The following SENP7 variants were observed in gnomAD, a reference collection of about 807,000 sequenced individuals.
SENP7 encodes the protein sentrin-specific protease 7.
In SENP7, 64 loss-of-function variants were observed where a neutral mutation model predicts 141.2. That is an observed-to-expected ratio of 0.45 (90% CI 0.37 to 0.56). The LOEUF (loss-of-function observed/expected upper bound fraction) is 0.56, where lower values mean the gene tolerates loss of function less well. Among genes scored for constraint, SENP7 ranks in the 20% least tolerant of loss-of-function variants. The probability of loss-of-function intolerance (pLI) is 0.00; values close to 1 mark genes in which losing one functional copy is unlikely to be tolerated. For synonymous variants in SENP7, 382 were observed against 426.4 expected, an observed-to-expected ratio of 0.90 and a Z score of 1.28; for missense variants, 1,025 against 1,212.2, an observed-to-expected ratio of 0.85 and a Z score of 2.29.
chr3:101,449,336 G>C (rs1194927779), intron 4 of SENP7, among the ~76,000 whole-genome samples: 1 of 152,122 alleles, frequency 6.6e-6, no homozygotes, highest in Non-Finnish European at 1.5e-5. Flanking sequence ...ATCTAGCAAG[G>C]CAGGCCAACA....
chr3:101,432,597 G>C (rs566607156), intron 4 of SENP7, among the ~76,000 whole-genome samples: 1 of 152,330 alleles, frequency 6.6e-6, no homozygotes, highest in Admixed American at 6.5e-5. Context: ...AATAGAGACT[G>C]TATGTTTGGT....
intron 3 of SENP7, among the ~76,000 whole-genome samples, chr3:101,464,172 ACT>A (rs1013769175): frequency 6.6e-6 from 1 of 152,160 alleles, no homozygotes; most frequent in African/African-American, 2.4e-5. Context: ...GAGAGGATGA[ACT>A]CTCTGAAAGA....
intron 6 of SENP7, among the ~76,000 whole-genome samples, chr3:101,385,929 A>T (rs1268100447): frequency 6.6e-6 from 1 of 152,352 alleles, no homozygotes; most frequent in African/African-American, 2.4e-5. Context: ...CTCCAAAATA[A>T]AATGAGCAAA....
At chr3:101,331,481 A>T (rs2059050801) in intron 19 of SENP7, among the ~76,000 whole-genome samples, 1 of 151,392 alleles carries the variant, frequency 6.6e-6, no homozygotes, top group African/African-American at 2.4e-5. Context: ...AAAAAAAAAA[A>T]AAAAGTATGT....
intron 16 of SENP7, among the ~76,000 whole-genome samples, chr3:101,338,865 T>C (rs554435007): frequency 3.3e-5 from 5 of 152,254 alleles, no homozygotes; most frequent in Middle Eastern, 3.4e-3. Context: ...ATCTAACAAA[T>C]CTTAAAGGCA....
At chr3:101,373,239 G>C (rs142330961) in intron 6 of SENP7, among the ~76,000 whole-genome samples, 4 of 152,090 alleles carry the variant, frequency 2.6e-5, no homozygotes, top group Non-Finnish European at 4.4e-5. Context: ...AATCAAAATC[G>C]TAAGGGTGAG....
intron 4 of SENP7, among the ~76,000 whole-genome samples, chr3:101,423,184 T>C (rs1008491942): frequency 6.6e-6 from 1 of 152,012 alleles, no homozygotes; most frequent in East Asian, 1.9e-4. Flanking sequence ...ACATTCAATA[T>C]CATTAATCTT....
intron 4 of SENP7, among the ~76,000 whole-genome samples, chr3:101,456,577 CCAAA>C (rs1299345777): frequency 1.3e-5 from 2 of 151,790 alleles, no homozygotes; most frequent in African/African-American, 2.4e-5. Context: ...ATAAGGAAGG[CCAAA>C]CAATTATCTT....
Position 101,341,693 on chromosome 3 carries a change from A to G in SENP7, c.2193T>C (p.Asn731=), listed in dbSNP as rs1361924330. 6 of 1,611,160 alleles carry G rather than the reference A, an allele frequency of 3.7e-6. No individual in the cohort carries two copies. Among genetic ancestry groups the G allele is most frequent in the African/African-American group, 1.3e-5 (1 of 74,888 alleles). The stretch of plus-strand genomic sequence containing the variant: ...TGACTTCTCGCCATTCTTCATCTGG[A>G]TTAGATGTAATAGAAAGGGAGTAGC... ...SGCYSLSITS[N]PDEEWREVRH... The change falls in exon 15 of 24, where the codon AAT becomes AAC. Residue 731 remains asparagine, a synonymous_variant. Coordinates refer to ENST00000394095, the MANE Select transcript of SENP7 (RefSeq NM_020654.5).
chr3:101,364,228 AAAAG>A (rs142675849), intron 10 of SENP7, among the ~76,000 whole-genome samples: 59,339 of 148,574 alleles, frequency 0.4, 12,286 homozygotes, highest in Admixed American at 0.54. Context: ...CCTTGTCTCA[AAAAG>A]AAAGAAAGAA....
chr3:101,485,959 A>G (rs564364389), intron 3 of SENP7, among the ~76,000 whole-genome samples: 16 of 152,306 alleles, frequency 1.1e-4, no homozygotes, highest in African/African-American at 3.8e-4. Flanking sequence ...ACTTTTAGAA[A>G]CGTGAAATGC....
intron 4 of SENP7, among the ~76,000 whole-genome samples, chr3:101,424,099 G>A (rs2061874006): frequency 6.6e-6 from 1 of 152,112 alleles, no homozygotes; most frequent in African/African-American, 2.4e-5. Flanking sequence ...ATCAAACAAG[G>A]CCAGTCTGAC....
chr3:101,476,330 ATGAG>A (rs1399162984), intron 3 of SENP7, among the ~76,000 whole-genome samples: 3 of 149,052 alleles, frequency 2.0e-5, no homozygotes, highest in African/African-American at 7.5e-5. Flanking sequence ...ACTCCCACTT[ATGAG>A]TGAGAACATG....
At chr3:101,448,752 T>C (rs942735331) in intron 4 of SENP7, among the ~76,000 whole-genome samples, 1 of 151,408 alleles carries the variant, frequency 6.6e-6, no homozygotes, top group Non-Finnish European at 1.5e-5. Context: ...AGACCAAAGG[T>C]AGAAAAAACC....
At position 101,494,000 on chromosome 3, in the gene SENP7, A is replaced by G. The variant is rs2065066345; in HGVS notation, c.91-32T>C. 3.0e-6 allele frequency: 4 copies of G among 1,335,346 alleles called. No homozygotes were observed. The East Asian group carries it at 9.2e-5, about 31-fold the overall frequency. 82.7% of individuals were successfully genotyped at this position (1,335,346 alleles called of 1,614,324 possible). A position where few individuals can be genotyped will look rare whatever the true frequency, so the allele number is the denominator to read the frequency against. ...ATAGGATGAGAAAATAATTAGTTTA[A>G]TTGAACTATATACAAGAGCTAATTC... is the stretch of plus-strand genomic sequence containing the variant. On this transcript the variant is annotated intron_variant, in intron 2 of 23. Transcript: ENST00000394095.
intron 6 of SENP7, among the ~76,000 whole-genome samples, chr3:101,397,009 A>T (rs2060987961): frequency 6.6e-6 from 1 of 151,576 alleles, no homozygotes. Flanking sequence ...ACGCCCAGCT[A>T]ATTTTGTATT....
intron 1 of SENP7, among the ~76,000 whole-genome samples, chr3:101,502,897 C>G: frequency 6.9e-6 from 1 of 144,034 alleles, no homozygotes; most frequent in Non-Finnish European, 1.5e-5. Context: ...GCCTGGGTGA[C>G]AGAGTAAGAC....
chr3:101,332,221 C>A (rs1199565991), intron 18 of SENP7, 112 bp from the exon 19 acceptor site: 2 of 1,052,194 alleles, frequency 1.9e-6, no homozygotes, highest in Non-Finnish European at 1.3e-6. Flanking sequence ...ATTTTGAAGA[C>A]ATCCACTGTA....
At chr3:101,357,450 A>C in intron 11 of SENP7, 1 of 1,102,350 alleles carries the variant, frequency 9.1e-7, no homozygotes, top group Non-Finnish European at 1.3e-6. Context: ...ACGAAGAGAC[A>C]TAAGATGATT....
Sources: allele counts gnomAD v4.1 joint callset (sites outside exome capture counted in the v4.1 genomes callset), GRCh38; gene constraint gnomAD v4.1.1; transcripts MANE v1.5; gene names NCBI Gene and HGNC (gene_info 2026-07-23, HGNC 2026-07-21).